Variants in ZPBP2 observed in about 807,000 individuals in gnomAD.
The protein encoded by ZPBP2 is zona pellucida-binding protein 2.
Under a neutral mutation model 37.5 loss-of-function variants are expected in ZPBP2, and 34 were observed. The ratio of observed to expected loss-of-function variants is 0.91; its 90% CI spans 0.69 to 1.21. ZPBP2 has a LOEUF of 1.21. ZPBP2 is among the 50% of genes most tolerant of loss of function. The pLI is 0.00. For missense variants in ZPBP2, 397 were observed against 413.5 expected (o/e 0.96, Z 0.35); for synonymous variants, 143 against 138.4 (o/e 1.03, Z -0.23).
chr17:39,870,602 A>T, intron 2 of ZPBP2, 92 bp from the exon 3 acceptor site: 1 of 700,806 alleles, frequency 1.4e-6, no homozygotes, highest in Non-Finnish European at 2.1e-6. Flanking sequence ...AACAAGAACT[A>T]ATTCGTGTCT....
At chr17:39,869,765 T>C (rs1284408893) in intron 2 of ZPBP2, among the ~76,000 whole-genome samples, 1 of 138,932 alleles carries the variant, frequency 7.2e-6, no homozygotes, top group East Asian at 2.1e-4. Context: ...CAGGCTGGAG[T>C]GCAGTGGTGT....
chr17:39,875,293 T>C lies in ZPBP2; in HGVS notation c.748T>C (p.Tyr250His). The C allele has an allele frequency of 1.2e-6, 2 of 1,613,430 alleles. No individual in the cohort carries two copies. Among genetic ancestry groups the C allele is most frequent in the Non-Finnish European group, 1.7e-6 (2 of 1,179,826 alleles). The change falls in exon 7 of 8, where the codon TAT becomes CAT. Residue 250 changes from tyrosine to histidine, a missense_variant. Coordinates refer to ENST00000348931, the MANE Select transcript of ZPBP2 (RefSeq NM_199321.3). ...AGAAGACTTTTTTCGGAGCCAAGCA[T>C]ATATTTTCTACCATAACTTTAATAA... is the stretch of plus-strand genomic sequence containing the variant. ...RIEDFFRSQA[Y>H]IFYHNFNKTL...
Position 39,876,878 on chromosome 17 carries a change from A to C in ZPBP2, c.*69A>C. On this transcript the variant is annotated 3_prime_UTR_variant, in exon 8 of 8. Transcript: ENST00000348931. ...GATGATTTTCACATCCCAGAGCATC[A>C]TAGATAGTTCCATTAAGTAAAATCA... 1 of 1,587,436 alleles carries C rather than the reference A, an allele frequency of 6.3e-7. No individual in the cohort carries two copies. Among genetic ancestry groups the C allele is most frequent in the South Asian group, 1.1e-5 (1 of 89,528 alleles).
chr17:39,868,431 C>G (rs375169472), intron 1 of ZPBP2, 25 bp downstream of exon 1: 20 of 1,611,390 alleles, frequency 1.2e-5, no homozygotes, highest in Non-Finnish European at 1.7e-5. Context: ...ACCCGGTCCC[C>G]AGGCCTCTCC....
intron 6 of ZPBP2, among the ~76,000 whole-genome samples, chr17:39,874,503 GCTCACTGCAAC>G (rs1028936101): frequency 1.3e-5 from 2 of 152,112 alleles, no homozygotes; most frequent in African/African-American, 4.8e-5. Context: ...TGCAATCTCA[GCTCACTGCAAC>G]CTCTGCCTCT....
At chr17:39,868,729 T>G (rs1307547955) in intron 2 of ZPBP2, 115 bp downstream of exon 2, 4 of 1,173,558 alleles carry the variant, frequency 3.4e-6, no homozygotes, top group Non-Finnish European at 5.0e-6. Context: ...GAGCATCTAT[T>G]ATACTAAGCA....
Position 39,868,265 on chromosome 17 carries a change from A to G in ZPBP2, c.-90A>G, listed in dbSNP as rs1332653595. On this transcript the variant is annotated 5_prime_UTR_variant, in exon 1 of 8. Coordinates refer to ENST00000348931, the MANE Select transcript of ZPBP2 (RefSeq NM_199321.3). ...AGGCGACCCCGGCGTTCTGCTCCGC[A>G]CTGTGGAGGAGGTGGGGAGGTGTTG... The G allele has an allele frequency of 2.4e-5, 36 of 1,479,716 alleles. No homozygotes were observed. Among genetic ancestry groups the G allele is most frequent in the Non-Finnish European group, 3.2e-5 (35 of 1,082,164 alleles). 91.7% of individuals were successfully genotyped at this position (1,479,716 alleles called of 1,614,324 possible).
At position 39,877,649 on chromosome 17, in the gene ZPBP2, G is replaced by A. The variant is rs2063396725; in HGVS notation, c.*840G>A. The A allele has an allele frequency of 6.6e-6, 1 of 152,050 alleles. No homozygotes were observed. Among genetic ancestry groups the A allele is most frequent in the South Asian group, 2.1e-4 (1 of 4,832 alleles). The allele number at this position is 152,050 out of a possible 1,614,324, so 9.4% of individuals were successfully genotyped here. A position where few individuals can be genotyped will look rare whatever the true frequency, so the allele number is the denominator to read the frequency against. ...ATCTTTTTACTGTCTCTACAGTTTTGCCTTTTCCAAAATGTCATGTAGTTG... is the reference window on the plus strand; with the variant it reads ...ATCTTTTTACTGTCTCTACAGTTTTACCTTTTCCAAAATGTCATGTAGTTG... On this transcript the variant is annotated 3_prime_UTR_variant, in exon 8 of 8. Transcript: ENST00000348931.
rs748565917 is a variant in ZPBP2, at chr17:39,872,462, T to A, written c.599T>A (p.Ile200Lys). ...HSVEIPEHGL[I>K]HELFIAFQVN... ...GTTGAAATTCCAGAACATGGCCTCA[T>A]ACATGAGCTATTTATAGCATTTCAA... The change falls in exon 5 of 8, where the codon ATA becomes AAA. Residue 200 changes from isoleucine (I) to lysine (K), a missense_variant. By Grantham distance (102) the Ile-to-Lys change is moderately radical. Transcript: ENST00000348931. 3.1e-6 allele frequency: 5 copies of A among 1,611,108 alleles called. No individual in the cohort carries two copies. The highest frequency in any genetic ancestry group is 4.2e-6 in the Non-Finnish European group (5 of 1,178,978).
At chr17:39,868,638 G>T in intron 2 of ZPBP2, 24 bp downstream of exon 2, 1 of 1,613,524 alleles carries the variant, frequency 6.2e-7, no homozygotes, top group East Asian at 2.2e-5. Context: ...CTGCACACGC[G>T]GGCCCATTGG....
rs1272235969 is a variant in ZPBP2, at chr17:39,877,632, A to G, written c.*823A>G. On this transcript the variant is annotated 3_prime_UTR_variant, in exon 8 of 8. Coordinates refer to ENST00000348931, the MANE Select transcript of ZPBP2 (RefSeq NM_199321.3). ...TGCCCTGGCAACCACTGATCTTTTTACTGTCTCTACAGTTTTGCCTTTTCC... is the reference window on the plus strand; with the variant it reads ...TGCCCTGGCAACCACTGATCTTTTTGCTGTCTCTACAGTTTTGCCTTTTCC... The G allele has an allele frequency of 6.6e-6, 1 of 152,066 alleles. No homozygotes were observed. Among genetic ancestry groups the G allele is most frequent in the Non-Finnish European group, 1.5e-5 (1 of 67,998 alleles). The allele number at this position is 152,066 out of a possible 1,614,324, so 9.4% of individuals were successfully genotyped here.
chr17:39,876,774 C>G lies in ZPBP2; in HGVS notation c.982C>G (p.Gln328Glu), dbSNP rs201716343. 6.2e-7 allele frequency: 1 copy of G among 1,613,824 alleles called. No homozygotes were observed. Among genetic ancestry groups the G allele is most frequent in the African/African-American group, 1.3e-5 (1 of 74,980 alleles). Residue 328 changes from glutamine (Q) to glutamate (E), a missense_variant, in exon 8 of 8, where the codon CAA (glutamine) becomes GAA (glutamate). By Grantham distance (29) the Gln-to-Glu change is conservative. Transcript: ENST00000348931. ...VLTYGAKSCP[Q>E]TSNKNQQYED is the part of the protein sequence containing the mutation. ...TACCTATGGAGCTAAATCTTGCCCA[C>G]AAACTTCAAACAAAAATCAGCAATA...
Position 39,872,706 on chromosome 17 carries a change from A to G in ZPBP2, c.625+218A>G, listed in dbSNP as rs533308909. 1.2e-4 allele frequency among the ~76,000 whole-genome samples: 18 copies of G among 152,348 alleles called. No homozygotes were observed. In the South Asian group the frequency reaches 3.5e-3, roughly 30 times the overall value. On this transcript the variant is annotated intron_variant, in intron 5 of 7. Coordinates refer to ENST00000348931, the MANE Select transcript of ZPBP2 (RefSeq NM_199321.3). ...ACATATTGTTGCTTCTTAAAAATCAATATTTTATTAATACAGCCTTTATGC... is the reference window on the plus strand; with the variant it reads ...ACATATTGTTGCTTCTTAAAAATCAGTATTTTATTAATACAGCCTTTATGC...
intron 4 of ZPBP2, 21 bp from the exon 5 acceptor site, chr17:39,872,249 A>C: frequency 6.4e-7 from 1 of 1,554,928 alleles, no homozygotes; most frequent in Non-Finnish European, 8.7e-7. Context: ...TTTCACTCTC[A>C]TCTTTCTTTT....
rs764835435 is a variant in ZPBP2, at chr17:39,868,529, G to T, written c.53-20G>T. On this transcript the variant is annotated intron_variant, in intron 1 of 7. Transcript: ENST00000348931. ...CTGCTCCTCTTCTAACTAAAAGTCAGTGTTTTATTTCCTCCGCAGTCCAAT... is the reference window on the plus strand; with the variant it reads ...CTGCTCCTCTTCTAACTAAAAGTCATTGTTTTATTTCCTCCGCAGTCCAAT... 6.2e-7 allele frequency: 1 copy of T among 1,614,154 alleles called. No homozygotes were observed. Among genetic ancestry groups the T allele is most frequent in the Admixed American group, 1.7e-5 (1 of 60,024 alleles).
Position 39,868,203 on chromosome 17 carries a change from C to A in ZPBP2, c.-152C>A, listed in dbSNP as rs1191084967. 6 of 766,754 alleles carry A rather than the reference C, an allele frequency of 7.8e-6. No individual in the cohort carries two copies. Among genetic ancestry groups the A allele is most frequent in the Non-Finnish European group, 1.2e-5 (6 of 492,856 alleles). The allele number at this position is 766,754 out of a possible 1,614,324, so 47.5% of individuals were successfully genotyped here. A position where few individuals can be genotyped will look rare whatever the true frequency, so the allele number is the denominator to read the frequency against. On this transcript the variant is annotated 5_prime_UTR_variant, in exon 1 of 8. Coordinates refer to ENST00000348931, the MANE Select transcript of ZPBP2 (RefSeq NM_199321.3). ...ATCGAAGCACGCACGCGTTCTCCTG[C>A]GCGTCCGCTCCCGCCGTTGCGACGG...
rs899568945 is a variant in ZPBP2, at chr17:39,871,534, A to C, written c.315A>C (p.Gly105=). Residue 105 remains glycine (G), a synonymous_variant, in exon 4 of 8, where the codon GGA becomes GGC. Transcript: ENST00000348931. Reference sequence around the variant, plus strand: ...AAGATTTTTTGGAGCCTTTGTCTGGACTTTACACATGTACTCTTTCTTATA... The same window carrying C: ...AAGATTTTTTGGAGCCTTTGTCTGGCCTTTACACATGTACTCTTTCTTATA... ...MVKDFLEPLS[G]LYTCTLSYKT... is the part of the protein sequence containing the mutation. 3.7e-6 allele frequency: 6 copies of C among 1,609,834 alleles called. No individual in the cohort carries two copies. The highest frequency in any genetic ancestry group is 4.2e-6 in the Non-Finnish European group (5 of 1,178,138).
chr17:39,871,530 C>G lies in ZPBP2; in HGVS notation c.311C>G (p.Ser104Cys), dbSNP rs142368031. 1.1e-4 allele frequency: 174 copies of G among 1,609,124 alleles called. No homozygotes were observed. The highest frequency in any genetic ancestry group is 1.4e-4 in the Non-Finnish European group (168 of 1,177,900). ...LMVKDFLEPL[S>C]GLYTCTLSYK... Reference sequence around the variant, plus strand: ...GTGAAAGATTTTTTGGAGCCTTTGTCTGGACTTTACACATGTACTCTTTCT... The same window carrying G: ...GTGAAAGATTTTTTGGAGCCTTTGTGTGGACTTTACACATGTACTCTTTCT... Residue 104 changes from serine (S) to cysteine (C), a missense_variant, in exon 4 of 8, where the codon TCT becomes TGT. Transcript: ENST00000348931.
chr17:39,871,350 A>G (rs2063363650), intron 3 of ZPBP2, 114 bp from the exon 4 acceptor site: 1 of 613,092 alleles, frequency 1.6e-6, no homozygotes, highest in Admixed American at 3.5e-5. Flanking sequence ...GGGATCCTTA[A>G]AGTTGAGATA....
Sources: allele counts gnomAD v4.1 joint callset (sites outside exome capture counted in the v4.1 genomes callset), GRCh38; gene constraint gnomAD v4.1.1; transcripts MANE v1.5; gene names NCBI Gene and HGNC (gene_info 2026-07-23, HGNC 2026-07-21).